Variants in EXOC2 observed in about 807,000 individuals in gnomAD.
The protein encoded by EXOC2 is exocyst complex component 2, also known as SEC5-like 1.
EXOC2 carries 70 observed loss-of-function variants against 131.8 expected under a neutral mutation model. That is an observed-to-expected ratio of 0.53 (90% CI 0.44 to 0.65). The LOEUF (loss-of-function observed/expected upper bound fraction) is 0.65, where lower values mean the gene tolerates loss of function less well. Among genes scored for constraint, EXOC2 ranks in the 30% least tolerant of loss-of-function variants. The pLI is 0.00. For synonymous variants in EXOC2, 411 were observed against 398.4 expected, an observed-to-expected ratio of 1.03 and a Z score of -0.38; for missense variants, 923 against 1,108.6, an observed-to-expected ratio of 0.83 and a Z score of 2.38.
chr6:491,559 G>A (rs987328082), intron 25 of EXOC2, among the ~76,000 whole-genome samples: 5 of 152,262 alleles, frequency 3.3e-5, no homozygotes, highest in African/African-American at 4.8e-5. Context: ...GAAAGGGCCC[G>A]TGTCCCACAG....
At chr6:616,332 G>A (rs572673437) in intron 6 of EXOC2, among the ~76,000 whole-genome samples, 2 of 152,004 alleles carry the variant, frequency 1.3e-5, no homozygotes, top group South Asian at 2.1e-4. Flanking sequence ...TGCCGGGCGC[G>A]GTGGCTCACG....
chr6:584,482 C>T (rs1337279815), intron 11 of EXOC2, among the ~76,000 whole-genome samples: 2 of 152,088 alleles, frequency 1.3e-5, no homozygotes, highest in South Asian at 2.1e-4. Flanking sequence ...CTTGGAGTAA[C>T]ATAAATGTTT....
At chr6:598,821 A>G in intron 9 of EXOC2, 39 bp downstream of exon 9, 2 of 1,499,142 alleles carry the variant, frequency 1.3e-6, no homozygotes, top group Non-Finnish European at 1.8e-6. Context: ...TTCCTATAAA[A>G]GGAAAGGAGA....
At chr6:511,089 G>A (rs1293605179) in intron 23 of EXOC2, among the ~76,000 whole-genome samples, 2 of 152,206 alleles carry the variant, frequency 1.3e-5, no homozygotes, top group Non-Finnish European at 2.9e-5. Context: ...GAAGCAGCTG[G>A]GGTCCTGACC....
In EXOC2 at chr6:551,670, A is replaced by C. The variant is rs1034714876; in HGVS notation, c.2121+2184T>G. On this transcript the variant is annotated intron_variant, in intron 21 of 27. Coordinates refer to ENST00000230449, the MANE Select transcript of EXOC2 (RefSeq NM_018303.6). ...AGAGTGCCAGCAAGGGGAAGACTCCAGCAGTCTCCATTCGGGAGGCCCTCT... is the reference window on the plus strand; with the variant it reads ...AGAGTGCCAGCAAGGGGAAGACTCCCGCAGTCTCCATTCGGGAGGCCCTCT... Among the ~76,000 whole-genome samples, 9 of 152,324 alleles carry C rather than the reference A, an allele frequency of 5.9e-5. No homozygotes were observed. The East Asian group carries it at 1.7e-3, about 29-fold the overall frequency.
chr6:604,715 C>CCCCGCGGGGACACA (rs1407872947), intron 7 of EXOC2, among the ~76,000 whole-genome samples: 22 of 147,970 alleles, frequency 1.5e-4, no homozygotes, highest in East Asian at 4.0e-4. Context: ...CACGCGCTGG[C>CCCCGCGGGGACACA]CCTGCGGGGA....
At chr6:579,798 C>G (rs938658639) in intron 11 of EXOC2, among the ~76,000 whole-genome samples, 2 of 151,862 alleles carry the variant, frequency 1.3e-5, no homozygotes, top group African/African-American at 2.4e-5. Flanking sequence ...AATTCTGACA[C>G]TCCTTTTAAA....
At chr6:500,554 G>T (rs1300743651) in intron 23 of EXOC2, among the ~76,000 whole-genome samples, 1 of 152,144 alleles carries the variant, frequency 6.6e-6, no homozygotes, top group Non-Finnish European at 1.5e-5. Context: ...AGGATGAAGG[G>T]GGATGCATGC....
rs867863597 is a variant in EXOC2 at position 501,128 on chromosome 6, T to A, written c.2381-1428A>T. Among the ~76,000 whole-genome samples, 51 of 63,154 alleles carry A rather than the reference T, an allele frequency of 8.1e-4. 1 individual carries two copies. The highest frequency in any genetic ancestry group is 2.3e-3 in the African/African-American group (40 of 17,642). The allele number at this position is 63,154 out of a possible 152,430, so 41.4% of individuals were successfully genotyped here. A position where few individuals can be genotyped will look rare whatever the true frequency, so the allele number is the denominator to read the frequency against. ...TATATATTATATATATCTATATATA[T>A]TATATATATCTATATATATTATATA... On this transcript the variant is annotated intron_variant, in intron 23 of 27. Transcript: ENST00000230449.
intron 11 of EXOC2, among the ~76,000 whole-genome samples, chr6:580,044 T>G (rs932356394): frequency 2.8e-4 from 25 of 87,906 alleles, no homozygotes; most frequent in African/African-American, 8.7e-4. Context: ...GTGCAGTTTT[T>G]TTTGTTTTTT....
chr6:594,165 A>G (rs1304531386), intron 10 of EXOC2, among the ~76,000 whole-genome samples: 8 of 152,254 alleles, frequency 5.3e-5, no homozygotes, highest in African/African-American at 1.7e-4. Context: ...CTCATAAATG[A>G]GAATAGTATC....
chr6:583,136 A>T (rs1759006507), intron 11 of EXOC2, among the ~76,000 whole-genome samples: 1 of 152,252 alleles, frequency 6.6e-6, no homozygotes, highest in South Asian at 2.1e-4. Flanking sequence ...ATAGATTTAC[A>T]TGCAGAAAAA....
chr6:639,496 C>A (rs1457548715), intron 1 of EXOC2, among the ~76,000 whole-genome samples: 1 of 150,952 alleles, frequency 6.6e-6, no homozygotes, highest in African/African-American at 2.4e-5. Flanking sequence ...CCCTCCTGCC[C>A]TTGCCACTGT....
chr6:511,187 T>C (rs1394705591), intron 23 of EXOC2, among the ~76,000 whole-genome samples: 1 of 152,176 alleles, frequency 6.6e-6, no homozygotes, highest in African/African-American at 2.4e-5. Context: ...TGGTGCAAAA[T>C]GCCAGGCAGT....
chr6:664,084 G>C (rs1447698417), intron 1 of EXOC2, among the ~76,000 whole-genome samples: 2 of 152,182 alleles, frequency 1.3e-5, no homozygotes, highest in Non-Finnish European at 1.5e-5. Flanking sequence ...ATTCAGCAAA[G>C]TTTCCAGATA....
intron 1 of EXOC2, among the ~76,000 whole-genome samples, chr6:671,565 A>G (rs1202190375): frequency 1.3e-5 from 2 of 152,128 alleles, no homozygotes; most frequent in Non-Finnish European, 2.9e-5. Context: ...TTTGACCTAT[A>G]TCATTTTGCT....
intron 1 of EXOC2, among the ~76,000 whole-genome samples, chr6:642,853 A>T (rs1762416514): frequency 6.6e-6 from 1 of 152,134 alleles, no homozygotes; most frequent in Non-Finnish European, 1.5e-5. Context: ...AGATTTATCT[A>T]AAGATATATA....
In EXOC2 at chr6:617,851, G is replaced by T; in HGVS notation, c.537-16C>A. The T allele has an allele frequency of 6.2e-7, 1 of 1,607,894 alleles. No homozygotes were observed. Among genetic ancestry groups the T allele is most frequent in the Non-Finnish European group, 8.5e-7 (1 of 1,177,634 alleles). On this transcript the variant is annotated splice_polypyrimidine_tract_variant and intron_variant, in intron 5 of 27. Transcript: ENST00000230449. Reference sequence around the variant, plus strand: ...CTGCTCAAAACTGAAATGAAATAAAGAAACCAAAGTTTGACACTTCTAACA... The same window carrying T: ...CTGCTCAAAACTGAAATGAAATAAATAAACCAAAGTTTGACACTTCTAACA...
chr6:490,928 G>C (rs555393706), intron 26 of EXOC2, among the ~76,000 whole-genome samples, 197 bp downstream of exon 26: 46 of 152,268 alleles, frequency 3.0e-4, no homozygotes, highest in African/African-American at 1.1e-3. Context: ...ACTAAGATTT[G>C]TCAGTAGTAA....
Sources: gnomAD v4.1 joint callset for allele counts (sites outside exome capture counted in the v4.1 genomes callset) on GRCh38, gnomAD v4.1.1 for gene constraint, MANE v1.5 for transcripts, NCBI Gene and HGNC (gene_info 2026-07-23, HGNC 2026-07-21) for gene names.